RIC8A: variants seen among roughly 807,000 people sequenced by gnomAD.
The protein encoded by RIC8A is RIC8 guanine nucleotide exchange factor A.
A neutral mutation model predicts 48.4 loss-of-function variants in RIC8A; 37 were observed. The observed-to-expected ratio is 0.77, with a 90% CI of 0.59 to 1.01. The LOEUF is 1.01. Among genes scored for constraint, RIC8A ranks in the 50% least tolerant of loss-of-function variants. The pLI is 0.00. For synonymous variants in RIC8A, 288 were observed against 283.4 expected (o/e 1.02, Z -0.16); for missense variants, 681 against 696.8 (o/e 0.98, Z 0.25).
chr11:210,100 A>T lies in RIC8A; in HGVS notation c.726+100A>T. On this transcript the variant is annotated intron_variant, in intron 3 of 9. Coordinates refer to ENST00000526104, the MANE Select transcript of RIC8A (RefSeq NM_001286134.2). ...ACCTTCAGGTTTCTGGGTGTCAGAC[A>T]TGGAGAGGACAGGACCTCCCAGCCT... The T allele has an allele frequency of 2.8e-6, 3 of 1,062,304 alleles. No homozygotes were observed. In the South Asian group the frequency reaches 4.8e-5, roughly 17 times the overall value. The allele number at this position is 1,062,304 out of a possible 1,614,324, so 65.8% of individuals were successfully genotyped here.
Position 212,896 on chromosome 11 carries a change from G to C in RIC8A, c.1270G>C (p.Gly424Arg). ...TGCTGCTGGCCTTCTGGCTGCCAGG[G>C]GCCTCATGGCAGGAGGCCGGCCCGA... ...GNAAGLLAAR[G>R]LMAGGRPEGQ... The change falls in exon 8 of 10, where the codon GGC becomes CGC. Residue 424 changes from glycine to arginine, a missense_variant. Coordinates refer to ENST00000526104, the MANE Select transcript of RIC8A (RefSeq NM_001286134.2). 3 of 1,606,646 alleles carry C rather than the reference G, an allele frequency of 1.9e-6. No homozygotes were observed. Among genetic ancestry groups the C allele is most frequent in the Non-Finnish European group, 2.6e-6 (3 of 1,176,222 alleles).
chr11:208,660 C>T lies in RIC8A; in HGVS notation c.-195C>T, dbSNP rs1432284090. On this transcript the variant is annotated 5_prime_UTR_variant, in exon 1 of 10. Coordinates refer to ENST00000526104, the MANE Select transcript of RIC8A (RefSeq NM_001286134.2). The surrounding 1 kb of genome is among the most constrained non-coding windows in gnomAD (Gnocchi z 4.8). ...CGACTCGGGTCTTAAAACCTCCGAG[C>T]CGCCAGTTCTGCCTCAGGCCGCGCC... The T allele has an allele frequency of 1.4e-5, 7 of 488,592 alleles. No homozygotes were observed. The Admixed American group carries it at 1.7e-4, about 12-fold the overall frequency. The allele number at this position is 488,592 out of a possible 1,614,324, so 30.3% of individuals were successfully genotyped here.
At chr11:212,208 A>G (rs1054071464) in intron 5 of RIC8A, 8 of 591,674 alleles carry the variant, frequency 1.4e-5, no homozygotes, top group Middle Eastern at 4.5e-4. Context: ...GTTACGCTCT[A>G]TCCCTGTCCT....
rs754923701 is a variant in RIC8A at position 209,592 on chromosome 11, A to G, written c.318A>G (p.Pro106=). The change falls in exon 3 of 10, where the codon CCA becomes CCG. Residue 106 remains proline, a synonymous_variant. Coordinates refer to ENST00000526104, the MANE Select transcript of RIC8A (RefSeq NM_001286134.2). The stretch of plus-strand genomic sequence containing the variant: ...TCTCTGTCTCTGAGGGGTCCGTCCC[A>G]GAGTCCGCAGACATGGATGTTGTAC... The part of the protein sequence containing the change: ...ADISVSEGSV[P]ESADMDVVLE... The G allele has an allele frequency of 2.5e-5, 40 of 1,614,072 alleles. No homozygotes were observed. In the South Asian group the frequency reaches 4.1e-4, roughly 16 times the overall value.
At position 211,370 on chromosome 11, in the gene RIC8A, C is replaced by G. The variant is rs748555595; in HGVS notation, c.969+21C>G. The G allele has an allele frequency of 1.9e-6, 3 of 1,607,462 alleles. No individual in the cohort carries two copies. The Admixed American group carries it at 5.0e-5, about 27-fold the overall frequency. On this transcript the variant is annotated intron_variant, in intron 5 of 9. Transcript: ENST00000526104. The surrounding 1 kb of genome is among the most constrained non-coding windows in gnomAD (Gnocchi z 4.0). ...ACAAGGTAGGCTGGGGATGGCTGTG[C>G]AGGCTCCCCCAGTGGCTCTGGCACT... is the stretch of plus-strand genomic sequence containing the variant.
Position 212,734 on chromosome 11 carries a change from CTT to C in RIC8A, c.1186_1187del (p.Leu396ValfsTer6). The C allele has an allele frequency of 6.2e-7, 1 of 1,614,070 alleles. No individual in the cohort carries two copies. The highest frequency in any genetic ancestry group is 8.5e-7 in the Non-Finnish European group (1 of 1,180,022). On this transcript the variant is annotated frameshift_variant, in exon 7 of 10. Coordinates refer to ENST00000526104, the MANE Select transcript of RIC8A (RefSeq NM_001286134.2). LOFTEE classifies it high-confidence loss of function. Reference sequence around the variant, plus strand: ...ATGTGAAGAGGGTGGCTGCCGAGTTCTTGTTTGTCCTGTGCTCTGAGAGTGGT... The same window carrying C: ...ATGTGAAGAGGGTGGCTGCCGAGTTCGTTTGTCCTGTGCTCTGAGAGTGGT... ...TDVKRVAAEF[L>X]FVLCSESVPR...
In RIC8A at chr11:209,228, T is replaced by TCCTA. The variant is rs755932700; in HGVS notation, c.85-40_85-37dup. ...GGCCGCCCGCATCAGCGGACGCGGATCCTACCCCTCTGTGGATTTGAATTC... is the reference window on the plus strand; with the variant it reads ...GGCCGCCCGCATCAGCGGACGCGGATCCTACCTACCCCTCTGTGGATTTGAATTC... On this transcript the variant is annotated intron_variant, in intron 1 of 9. Coordinates refer to ENST00000526104, the MANE Select transcript of RIC8A (RefSeq NM_001286134.2). 1.2e-5 allele frequency: 19 copies of TCCTA among 1,613,290 alleles called. No individual in the cohort carries two copies. The South Asian group carries it at 2.1e-4, about 18-fold the overall frequency.
Position 214,976 on chromosome 11 carries a change from ACCT to A in RIC8A, c.*630_*632del, listed in dbSNP as rs1855507975. The A allele has an allele frequency of 6.0e-6, 1 of 165,798 alleles. No individual in the cohort carries two copies. Among genetic ancestry groups the A allele is most frequent in the Non-Finnish European group, 1.3e-5 (1 of 75,238 alleles). The allele number at this position is 165,798 out of a possible 1,614,324, so 10.3% of individuals were successfully genotyped here. On this transcript the variant is annotated 3_prime_UTR_variant, in exon 10 of 10. Transcript: ENST00000526104. ...AGTTCTCGCTGGTTTTGGCAATTAA[ACCT>A]CCTTCCTACTGGTTTAGACTACACT... is the stretch of plus-strand genomic sequence containing the variant.
In RIC8A at chr11:214,808, T is replaced by C. The variant is rs1417560393; in HGVS notation, c.*458T>C. The C allele has an allele frequency of 8.9e-6, 3 of 337,020 alleles. No homozygotes were observed. Among genetic ancestry groups the C allele is most frequent in the Non-Finnish European group, 1.7e-5 (3 of 172,872 alleles). 20.9% of individuals were successfully genotyped at this position (337,020 alleles called of 1,614,324 possible). ...GGAGAAAACCTGTCAGAACTTTCCA[T>C]ACGAGTATATCAGAACACACCCTTC... On this transcript the variant is annotated 3_prime_UTR_variant, in exon 10 of 10. Coordinates refer to ENST00000526104, the MANE Select transcript of RIC8A (RefSeq NM_001286134.2).
chr11:208,594 CA>C lies in RIC8A; in HGVS notation c.-259del. ...CTTCTGGCCCAAGAAGCGCGGGTCA[CA>C]AGGAGAGGGGTCAGTTCGGTTCAGA... is the stretch of plus-strand genomic sequence containing the variant. On this transcript the variant is annotated 5_prime_UTR_variant, in exon 1 of 10. Transcript: ENST00000526104. The surrounding 1 kb of genome is among the most constrained non-coding windows in gnomAD (Gnocchi z 4.8). 2 of 381,800 alleles carry C rather than the reference CA, an allele frequency of 5.2e-6. No individual in the cohort carries two copies. Among genetic ancestry groups the C allele is most frequent in the Non-Finnish European group, 9.3e-6 (2 of 215,046 alleles). The allele number at this position is 381,800 out of a possible 1,614,324, so 23.7% of individuals were successfully genotyped here.
In RIC8A at chr11:213,376, A is replaced by G; in HGVS notation, c.1433A>G (p.His478Arg). ...MEGMTEEQKE[H>R]EAMKLVTMFD... is the part of the protein sequence containing the mutation. The stretch of plus-strand genomic sequence containing the variant: ...GGCATGACAGAGGAGCAGAAGGAGC[A>G]CGAGGCCATGAAGCTGGTGACCATG... The change falls in exon 9 of 10, where the codon CAC becomes CGC. Residue 478 changes from histidine (H) to arginine (R), a missense_variant. Coordinates refer to ENST00000526104, the MANE Select transcript of RIC8A (RefSeq NM_001286134.2). The G allele has an allele frequency of 1.9e-6, 3 of 1,609,682 alleles. No homozygotes were observed. The highest frequency in any genetic ancestry group is 2.5e-6 in the Non-Finnish European group (3 of 1,177,926).
chr11:211,381 A>G lies in RIC8A; in HGVS notation c.969+32A>G, dbSNP rs375887146. ...TGGGGATGGCTGTGCAGGCTCCCCC[A>G]GTGGCTCTGGCACTGGTTCTCCTGC... On this transcript the variant is annotated intron_variant, in intron 5 of 9. Transcript: ENST00000526104. The surrounding 1 kb of genome is among the most constrained non-coding windows in gnomAD (Gnocchi z 4.0). The G allele has an allele frequency of 3.1e-5, 50 of 1,603,456 alleles. No individual in the cohort carries two copies. The highest frequency in any genetic ancestry group is 1.7e-4 in the Middle Eastern group (1 of 5,910).
Position 211,158 on chromosome 11 carries a change from G to A in RIC8A, c.819-41G>A, listed in dbSNP as rs2133749856. On this transcript the variant is annotated intron_variant, in intron 4 of 9. Transcript: ENST00000526104. This position sits in a 1 kb window ranked among gnomAD's most constrained non-coding sequence, Gnocchi z 4.0. Reference sequence around the variant, plus strand: ...TCACAAAGATTGCACCTGTGCTCAGGGATTAGCCCTGTTGAAACCCCTACC... The same window carrying A: ...TCACAAAGATTGCACCTGTGCTCAGAGATTAGCCCTGTTGAAACCCCTACC... The A allele has an allele frequency of 6.3e-7, 1 of 1,583,480 alleles. No homozygotes were observed. The highest frequency in any genetic ancestry group is 8.6e-7 in the Non-Finnish European group (1 of 1,163,746).
rs1442137079 is a variant in RIC8A at position 213,314 on chromosome 11, C to T, written c.1371C>T (p.Thr457=). ...KEAKASINPV[T]GRVEEKPPNP... ...TGGGAAACAGCATAAACCCTGTGAC[C>T]GGGAGGGTGGAGGAGAAGCCGCCTA... The change falls in exon 9 of 10, where the codon ACC becomes ACT. Residue 457 remains threonine (T), a synonymous_variant. Transcript: ENST00000526104. 6 of 1,613,740 alleles carry T rather than the reference C, an allele frequency of 3.7e-6. No individual in the cohort carries two copies. Among genetic ancestry groups the T allele is most frequent in the Admixed American group, 1.7e-5 (1 of 59,966 alleles).
intron 3 of RIC8A, 129 bp downstream of exon 3, chr11:210,129 G>A: frequency 1.2e-6 from 1 of 820,742 alleles, no homozygotes; most frequent in African/African-American, 1.7e-5. Flanking sequence ...CCAGCCTGTT[G>A]GGACAAGGCC....
In RIC8A at chr11:209,275, C is replaced by G. The variant is rs755268974; in HGVS notation, c.89C>G (p.Ser30Cys). ...ATTCACTAGTTCTCTCTGCAGCACT[C>G]CCAGAGCTTCACGTTTGATGATGCC... is the stretch of plus-strand genomic sequence containing the variant. Reference protein sequence around the residue: ...EALRSYNQEHSQSFTFDDAQQ... With the variant: ...EALRSYNQEHCQSFTFDDAQQ... Residue 30 changes from serine (S) to cysteine (C), a missense_variant, in exon 2 of 10, where the codon TCC (serine) becomes TGC (cysteine). Transcript: ENST00000526104. 1.6e-5 allele frequency: 26 copies of G among 1,614,018 alleles called. No homozygotes were observed. Among genetic ancestry groups the G allele is most frequent in the Middle Eastern group, 1.6e-4 (1 of 6,084 alleles).
chr11:212,609 C>A lies in RIC8A; in HGVS notation c.1066-6C>A. 6.2e-7 allele frequency: 1 copy of A among 1,613,890 alleles called. No individual in the cohort carries two copies. Among genetic ancestry groups the A allele is most frequent in the Non-Finnish European group, 8.5e-7 (1 of 1,179,936 alleles). On this transcript the variant is annotated splice_region_variant and splice_polypyrimidine_tract_variant and intron_variant, in intron 6 of 9. Transcript: ENST00000526104. ...AGCCCAAGCTTAGGGATGGCCACCTCCCCAGGTGCTGCCCCCTCTGCGGGA... is the reference window on the plus strand; with the variant it reads ...AGCCCAAGCTTAGGGATGGCCACCTACCCAGGTGCTGCCCCCTCTGCGGGA...
rs1413914813 is a variant in RIC8A at position 214,482 on chromosome 11, C to T, written c.*132C>T. 1 of 1,076,608 alleles carries T rather than the reference C, an allele frequency of 9.3e-7. No individual in the cohort carries two copies. Among genetic ancestry groups the T allele is most frequent in the Non-Finnish European group, 1.4e-6 (1 of 724,694 alleles). 66.7% of individuals were successfully genotyped at this position (1,076,608 alleles called of 1,614,324 possible). On this transcript the variant is annotated 3_prime_UTR_variant, in exon 10 of 10. Coordinates refer to ENST00000526104, the MANE Select transcript of RIC8A (RefSeq NM_001286134.2). The stretch of plus-strand genomic sequence containing the variant: ...CACTTCTCCATCTTAGAAACCCCTT[C>T]TCTTGACTCCCGTTCTGTTCATGAT...
rs574058595 is a variant in RIC8A at position 209,157 on chromosome 11, G to T, written c.85-114G>T. The stretch of plus-strand genomic sequence containing the variant: ...AGGGATGGGGGCGAGTGCCGACCCT[G>T]CCATCCGTTCTGAGCAGTGGCTGCT... On this transcript the variant is annotated intron_variant, in intron 1 of 9. Coordinates refer to ENST00000526104, the MANE Select transcript of RIC8A (RefSeq NM_001286134.2). 5 of 1,316,282 alleles carry T rather than the reference G, an allele frequency of 3.8e-6. No individual in the cohort carries two copies. The African/African-American group carries it at 5.8e-5, about 15-fold the overall frequency. The allele number at this position is 1,316,282 out of a possible 1,614,324, so 81.5% of individuals were successfully genotyped here.
Sources: gnomAD v4.1 joint callset for allele counts on GRCh38, gnomAD v4.1.1 for gene constraint, Gnocchi (gnomAD v3.1) non-coding constraint, MANE v1.5 for transcripts, NCBI Gene and HGNC (gene_info 2026-07-23, HGNC 2026-07-21) for gene names.